The following LRP1B variants were observed in gnomAD, a reference collection of about 807,000 sequenced individuals.
LRP1B encodes low-density lipoprotein receptor-related protein 1B.
In LRP1B, 217 loss-of-function variants were observed where a neutral mutation model predicts 556.6. The observed-to-expected ratio is 0.39, with a 90% CI of 0.35 to 0.44. The LOEUF is 0.44. LRP1B is among the 20% of genes least tolerant of loss of function. LRP1B has a pLI of 1.00. For missense variants in LRP1B, 5,053 were observed against 5,620.8 expected, an observed-to-expected ratio of 0.90 and a Z score of 3.23; for synonymous variants, 2,047 against 1,865.8, an observed-to-expected ratio of 1.10 and a Z score of -2.50.
At chr2:141,747,617 G>A (rs965662551) in intron 2 of LRP1B, among the ~76,000 whole-genome samples, 1 of 152,082 alleles carries the variant, frequency 6.6e-6, no homozygotes. Context: ...GTGACAGAGC[G>A]AGACTCTAAA....
chr2:140,672,958 T>A, intron 41 of LRP1B, among the ~76,000 whole-genome samples: 1 of 152,232 alleles, frequency 6.6e-6, no homozygotes, highest in East Asian at 1.9e-4. Flanking sequence ...ATGAACACTT[T>A]TAGCTCTTCT....
At position 141,233,801 on chromosome 2, in the gene LRP1B, T is replaced by C. The variant is rs146241923; in HGVS notation, c.593-4361A>G. 2.8e-3 allele frequency among the ~76,000 whole-genome samples: 429 copies of C among 152,174 alleles called. 2 individuals carry two copies. Among genetic ancestry groups the C allele is most frequent in the African/African-American group, 9.8e-3 (405 of 41,538 alleles). ...TTAATTTGGCTAGTTTCCTTCTAAG[T>C]GATTGAAGTAATGAATTCATATACT... On this transcript the variant is annotated intron_variant, in intron 5 of 90. Coordinates refer to ENST00000389484, the MANE Select transcript of LRP1B (RefSeq NM_018557.3).
At chr2:141,334,303 T>C (rs771931751) in intron 3 of LRP1B, among the ~76,000 whole-genome samples, 1 of 152,180 alleles carries the variant, frequency 6.6e-6, no homozygotes. Flanking sequence ...TCTGAAGATA[T>C]TGAGTTCCCA....
At chr2:141,571,907 G>C (rs1686544154) in intron 2 of LRP1B, among the ~76,000 whole-genome samples, 1 of 152,108 alleles carries the variant, frequency 6.6e-6, no homozygotes, top group Admixed American at 6.6e-5. Context: ...AATGAACAAA[G>C]CCTCCAAGAA....
At position 141,188,369 on chromosome 2, in the gene LRP1B, T is replaced by G. The variant is rs375691570; in HGVS notation, c.1013+52A>C. On this transcript the variant is annotated intron_variant, in intron 7 of 90. Coordinates refer to ENST00000389484, the MANE Select transcript of LRP1B (RefSeq NM_018557.3). The stretch of plus-strand genomic sequence containing the variant: ...ACAACACTTGTCATACTTCAATCTT[T>G]TCTTTTTAAACGCAAACTTTTTTAG... 719 of 1,549,696 alleles carry G rather than the reference T, an allele frequency of 4.6e-4. 1 individual carries two copies. The highest frequency in any genetic ancestry group is 6.8e-4 in the Middle Eastern group (4 of 5,914).
intron 1 of LRP1B, among the ~76,000 whole-genome samples, chr2:141,877,160 G>A (rs1024175672): frequency 1.3e-5 from 2 of 151,982 alleles, no homozygotes. Context: ...AAATTGATGT[G>A]AAGTTGTATT....
At chr2:141,601,935 T>A (rs947579135) in intron 2 of LRP1B, among the ~76,000 whole-genome samples, 10 of 152,114 alleles carry the variant, frequency 6.6e-5, no homozygotes, top group African/African-American at 2.4e-4. Flanking sequence ...CATGAGAAAC[T>A]GCACCCACAT....
chr2:141,615,010 A>G (rs1006242845), intron 2 of LRP1B, among the ~76,000 whole-genome samples: 1 of 152,186 alleles, frequency 6.6e-6, no homozygotes, highest in Admixed American at 6.5e-5. Flanking sequence ...GGAAGAGCCT[A>G]GATTGCTTTG....
At chr2:141,576,872 G>T (rs1321263682) in intron 2 of LRP1B, among the ~76,000 whole-genome samples, 1 of 140,426 alleles carries the variant, frequency 7.1e-6, no homozygotes, top group Non-Finnish European at 1.5e-5. Flanking sequence ...TGCCCAGGTT[G>T]TTTTCGAACT....
chr2:141,894,370 C>A (rs1699374398), intron 1 of LRP1B, among the ~76,000 whole-genome samples: 1 of 151,808 alleles, frequency 6.6e-6, no homozygotes, highest in Non-Finnish European at 1.5e-5. Context: ...GCCTGCCCTA[C>A]CCCCTCCCTC....
chr2:141,507,708 T>C (rs1225026481), intron 2 of LRP1B, among the ~76,000 whole-genome samples: 2 of 152,046 alleles, frequency 1.3e-5, no homozygotes, highest in Admixed American at 6.6e-5. Flanking sequence ...TTTAAAAAAA[T>C]ATTATATAGT....
intron 2 of LRP1B, among the ~76,000 whole-genome samples, chr2:141,804,910 C>A (rs1381462397): frequency 1.3e-5 from 2 of 152,064 alleles, no homozygotes; most frequent in Admixed American, 6.6e-5. Context: ...TGTGATCATG[C>A]ACTGTGCATA....
intron 3 of LRP1B, among the ~76,000 whole-genome samples, chr2:141,373,711 CTA>C (rs1208890742): frequency 2.0e-5 from 3 of 151,772 alleles, no homozygotes; most frequent in Non-Finnish European, 4.4e-5. Flanking sequence ...TATGTCCAGT[CTA>C]TATGTGTCTT....
chr2:142,104,588 G>C (rs1423435524), intron 1 of LRP1B, among the ~76,000 whole-genome samples: 2 of 152,054 alleles, frequency 1.3e-5, no homozygotes, highest in Admixed American at 6.6e-5. Context: ...GAATCATAAA[G>C]GTATTTTTTT....
intron 66 of LRP1B, among the ~76,000 whole-genome samples, chr2:140,442,219 G>A (rs1686459225): frequency 6.6e-6 from 1 of 152,044 alleles, no homozygotes; most frequent in Non-Finnish European, 1.5e-5. Context: ...ATGCCATCAT[G>A]TGCATACTCT....
chr2:141,551,528 A>G (rs1685750182), intron 2 of LRP1B, among the ~76,000 whole-genome samples: 1 of 152,092 alleles, frequency 6.6e-6, no homozygotes, highest in African/African-American at 2.4e-5. Context: ...ATAGCCCCCA[A>G]TCAGCAAAAT....
chr2:141,431,440 T>C (rs961728750), intron 3 of LRP1B, among the ~76,000 whole-genome samples: 2 of 152,164 alleles, frequency 1.3e-5, no homozygotes, highest in African/African-American at 4.8e-5. Flanking sequence ...GCCAACAACC[T>C]GAACGATCTT....
rs572582004 is a variant in LRP1B at position 141,571,429 on chromosome 2, G to T, written c.206-90896C>A. ...GAAAACCTCATCCAAGGGTCAGCAT[G>T]GCCTCAAAGACCGAAACTAGACAAA... is the stretch of plus-strand genomic sequence containing the variant. On this transcript the variant is annotated intron_variant, in intron 2 of 90. Coordinates refer to ENST00000389484, the MANE Select transcript of LRP1B (RefSeq NM_018557.3). Among the ~76,000 whole-genome samples, 3 of 139,628 alleles carry T rather than the reference G, an allele frequency of 2.1e-5. No individual in the cohort carries two copies. The South Asian group carries it at 6.5e-4, about 30-fold the overall frequency. The allele number at this position is 139,628 out of a possible 152,430, so 91.6% of individuals were successfully genotyped here.
chr2:140,515,465 C>T (rs76312068), intron 50 of LRP1B, among the ~76,000 whole-genome samples: 1 of 151,940 alleles, frequency 6.6e-6, no homozygotes, highest in Non-Finnish European at 1.5e-5. Context: ...CCATTCCCAG[C>T]CTCCCCTTCT....
Sources: gnomAD v4.1 joint callset for allele counts (sites outside exome capture counted in the v4.1 genomes callset) on GRCh38, gnomAD v4.1.1 for gene constraint, MANE v1.5 for transcripts, NCBI Gene and HGNC (gene_info 2026-07-23, HGNC 2026-07-21) for gene names.